CREB5: variants seen among roughly 807,000 people sequenced by gnomAD.
CREB5 encodes cAMP responsive element binding protein 5.
CREB5 carries 19 observed loss-of-function variants against 57.1 expected under a neutral mutation model. The ratio of observed to expected loss-of-function variants is 0.33; its 90% CI spans 0.23 to 0.49. CREB5 has a LOEUF of 0.49. Ranked by LOEUF, CREB5 falls within the 20% of genes least tolerant of loss-of-function variation. CREB5 has a pLI of 0.99. For missense variants in CREB5, 579 were observed against 671.6 expected (o/e 0.86, Z 1.52); for synonymous variants, 238 against 238.3 (o/e 1.00, Z 0.01).
At chr7:28,774,407 A>C (rs967721048) in intron 7 of CREB5, among the ~76,000 whole-genome samples, 1 of 152,148 alleles carries the variant, frequency 6.6e-6, no homozygotes, top group Non-Finnish European at 1.5e-5. Context: ...CCATTCACAA[A>C]GTTGTCTATG....
At chr7:28,685,034 C>T (rs1800792912) in intron 5 of CREB5, among the ~76,000 whole-genome samples, 1 of 151,964 alleles carries the variant, frequency 6.6e-6, no homozygotes, top group South Asian at 2.1e-4. Flanking sequence ...CTTGACTGCC[C>T]CCACCTCCCC....
intron 4 of CREB5, among the ~76,000 whole-genome samples, chr7:28,538,060 T>TG (rs1794041489): frequency 6.6e-6 from 1 of 151,712 alleles, no homozygotes; most frequent in Admixed American, 6.6e-5. Context: ...TGTTTTGTTT[T>TG]TATTTTTGTT....
chr7:28,487,294 C>T (rs1791601413), intron 1 of CREB5, among the ~76,000 whole-genome samples: 1 of 152,180 alleles, frequency 6.6e-6, no homozygotes, highest in Non-Finnish European at 1.5e-5. Flanking sequence ...GATTAGATTA[C>T]ATTATCGATC....
intron 2 of CREB5, among the ~76,000 whole-genome samples, chr7:28,489,955 A>G (rs955147601): frequency 6.6e-6 from 1 of 152,252 alleles, no homozygotes; most frequent in Non-Finnish European, 1.5e-5. Flanking sequence ...AAGTTACTAG[A>G]GTAACTAAAT....
intron 8 of CREB5, among the ~76,000 whole-genome samples, chr7:28,807,070 A>C (rs1808769335): frequency 6.6e-6 from 1 of 152,248 alleles, no homozygotes; most frequent in Non-Finnish European, 1.5e-5. Flanking sequence ...AACTCTGATG[A>C]GTAAGACCTT....
intron 5 of CREB5, among the ~76,000 whole-genome samples, chr7:28,682,621 A>G (rs1800651928): frequency 6.6e-6 from 1 of 152,114 alleles, no homozygotes; most frequent in Non-Finnish European, 1.5e-5. Flanking sequence ...AAATTTTAAA[A>G]ACAACATTTG....
chr7:28,764,576 A>G (rs923423178), intron 7 of CREB5, among the ~76,000 whole-genome samples: 3 of 152,206 alleles, frequency 2.0e-5, no homozygotes, highest in Non-Finnish European at 2.9e-5. Context: ...GGGTTGAAAG[A>G]AAGTCTGAGC....
chr7:28,597,002 T>C (rs1432749305), intron 5 of CREB5, among the ~76,000 whole-genome samples: 2 of 152,196 alleles, frequency 1.3e-5, no homozygotes, highest in African/African-American at 4.8e-5. Flanking sequence ...TGATTTGGAA[T>C]GAAACCTGAC....
chr7:28,774,910 A>G (rs1327231756), intron 7 of CREB5, among the ~76,000 whole-genome samples: 1 of 152,220 alleles, frequency 6.6e-6, no homozygotes, highest in Non-Finnish European at 1.5e-5. Context: ...ATACTTGTGG[A>G]TAAAATTATT....
At chr7:28,769,130 A>AT (rs1260468267) in intron 7 of CREB5, among the ~76,000 whole-genome samples, 1 of 152,130 alleles carries the variant, frequency 6.6e-6, no homozygotes, top group Admixed American at 6.5e-5. Flanking sequence ...AAAGAACAAC[A>AT]TTTTTTCTTT....
At chr7:28,460,919 G>A (rs190168892) in intron 1 of CREB5, among the ~76,000 whole-genome samples, 1 of 151,988 alleles carries the variant, frequency 6.6e-6, no homozygotes, top group Admixed American at 6.6e-5. Context: ...TTATGGGGGG[G>A]CATAGTGGCT....
chr7:28,612,919 T>G (rs1797450497), intron 5 of CREB5, among the ~76,000 whole-genome samples: 1 of 152,194 alleles, frequency 6.6e-6, no homozygotes, highest in Non-Finnish European at 1.5e-5. Flanking sequence ...TACTTATCCC[T>G]TCTCAAAGAT....
chr7:28,349,017 A>T (rs1345812745), intron 1 of CREB5, among the ~76,000 whole-genome samples: 1 of 152,156 alleles, frequency 6.6e-6, no homozygotes, highest in Non-Finnish European at 1.5e-5. Context: ...CCACAGACAA[A>T]CGTTGCCAGG....
intron 1 of CREB5, among the ~76,000 whole-genome samples, chr7:28,319,941 A>C (rs922305353): frequency 3.3e-5 from 5 of 151,898 alleles, no homozygotes; most frequent in Non-Finnish European, 5.9e-5. Context: ...TTTTTAAAAA[A>C]ATTTTTTGAG....
intron 4 of CREB5, among the ~76,000 whole-genome samples, chr7:28,555,925 T>A (rs769736484): frequency 1.3e-4 from 20 of 152,174 alleles, no homozygotes; most frequent in Non-Finnish European, 2.6e-4. Context: ...CACAATAGAA[T>A]GAAAATGAAC....
chr7:28,408,894 G>A (rs1296737686), upstream of CREB5, among the ~76,000 whole-genome samples: 1 of 151,986 alleles, frequency 6.6e-6, no homozygotes, highest in African/African-American at 2.4e-5. Flanking sequence ...GGAGGGAGGA[G>A]CGTCCTGCAT....
At chr7:28,425,175 C>T (rs114371849) in intron 1 of CREB5, among the ~76,000 whole-genome samples, 1 of 151,470 alleles carries the variant, frequency 6.6e-6, no homozygotes, top group African/African-American at 2.4e-5. Flanking sequence ...CTTGTAATGG[C>T]CAAAAATGTG....
chr7:28,522,183 T>C (rs1793233614), intron 4 of CREB5, among the ~76,000 whole-genome samples: 2 of 152,184 alleles, frequency 1.3e-5, no homozygotes, highest in Non-Finnish European at 1.5e-5. Flanking sequence ...AAGTTGCAGA[T>C]TGAGTATATA....
chr7:28,362,209 C>A (rs577970384), intron 1 of CREB5, among the ~76,000 whole-genome samples: 1 of 152,232 alleles, frequency 6.6e-6, no homozygotes, highest in Admixed American at 6.5e-5. Context: ...AGAATGGAAA[C>A]TTACATTTTG....
Sources: allele counts gnomAD v4.1 joint callset (sites outside exome capture counted in the v4.1 genomes callset), GRCh38; gene constraint gnomAD v4.1.1; transcripts MANE v1.5; gene names NCBI Gene and HGNC (gene_info 2026-07-23, HGNC 2026-07-21).